The following SEMA3A variants were observed in gnomAD, a reference collection of about 807,000 sequenced individuals.
SEMA3A encodes semaphorin-3A.
In SEMA3A, 29 loss-of-function variants were observed where a neutral mutation model predicts 97.9. That is an observed-to-expected ratio of 0.30 (90% confidence interval 0.22 to 0.40). The LOEUF (loss-of-function observed/expected upper bound fraction) is 0.40, where lower values mean the gene tolerates loss of function less well. Ranked by LOEUF, SEMA3A falls within the 10% of genes least tolerant of loss-of-function variation. SEMA3A has a pLI of 1.00. For synonymous variants in SEMA3A, 321 were observed against 323.7 expected, an observed-to-expected ratio of 0.99 and a Z score of 0.09; for missense variants, 763 against 951.3, an observed-to-expected ratio of 0.80 and a Z score of 2.60.
At chr7:84,024,157 T>C (rs1333575352) in intron 6 of SEMA3A, among the ~76,000 whole-genome samples, 3 of 152,218 alleles carry the variant, frequency 2.0e-5, no homozygotes, top group Non-Finnish European at 4.4e-5. Flanking sequence ...TTTCCTTCAC[T>C]GTACTTATAT....
intron 4 of SEMA3A, among the ~76,000 whole-genome samples, chr7:84,101,382 G>A (rs1794953611): frequency 6.6e-6 from 1 of 151,982 alleles, no homozygotes; most frequent in African/African-American, 2.4e-5. Flanking sequence ...TTGGAAATAA[G>A]GACTCTTTCT....
chr7:84,242,737 C>G (rs991884996), intron 3 of SEMA3A, among the ~76,000 whole-genome samples: 20 of 152,084 alleles, frequency 1.3e-4, no homozygotes, highest in Non-Finnish European at 7.4e-5. Context: ...ATGCTTCCAG[C>G]TTTTGCCCAT....
intron 3 of SEMA3A, among the ~76,000 whole-genome samples, chr7:84,216,101 G>A (rs1044315496): frequency 2.6e-5 from 4 of 151,960 alleles, no homozygotes; most frequent in Non-Finnish European, 4.4e-5. Flanking sequence ...ACAGAGCCTC[G>A]CTCTGTAGCC....
At chr7:84,314,941 AT>A (rs1468792164) in intron 2 of SEMA3A, among the ~76,000 whole-genome samples, 1 of 152,190 alleles carries the variant, frequency 6.6e-6, no homozygotes, top group East Asian at 1.9e-4. Context: ...ATTTGTTTTA[AT>A]CTCATAATAA....
At chr7:84,476,584 A>C (rs1265292173) in intron 1 of SEMA3A, among the ~76,000 whole-genome samples, 1 of 152,036 alleles carries the variant, frequency 6.6e-6, no homozygotes, top group East Asian at 1.9e-4. Context: ...AAAGTATATA[A>C]AATTCTATCA....
chr7:84,120,207 T>C (rs1344381459), intron 3 of SEMA3A, among the ~76,000 whole-genome samples: 4 of 152,136 alleles, frequency 2.6e-5, no homozygotes, highest in African/African-American at 9.6e-5. Flanking sequence ...AATTCAAACA[T>C]AATTAATACC....
Position 83,961,646 on chromosome 7 carries a change from C to A in SEMA3A, c.2041G>T (p.Asp681Tyr), listed in dbSNP as rs2116248584. Residue 681 changes from aspartate (D) to tyrosine (Y), a missense_variant, in exon 17 of 17, where the codon GAT becomes TAT. Around this residue, in one of 2 missense-constraint regions of SEMA3A, gnomAD observed 678 missense variants for 881.3 expected, o/e 0.77. Transcript: ENST00000265362. ...EHLEELLHKD[D>Y]DGDGSKTKEM... ...TTGGTCTTAGAGCCATCTCCATCAT[C>A]ATCTTTATGAAGAAGTTCTTCCAAA... 1 of 1,613,916 alleles carries A rather than the reference C, an allele frequency of 6.2e-7. No individual in the cohort carries two copies. Among genetic ancestry groups the A allele is most frequent in the African/African-American group, 1.3e-5 (1 of 75,038 alleles).
At chr7:84,004,753 A>T (rs1790597281) in intron 11 of SEMA3A, among the ~76,000 whole-genome samples, 1 of 152,228 alleles carries the variant, frequency 6.6e-6, no homozygotes, top group Admixed American at 6.5e-5. Flanking sequence ...TTGTCAGAAA[A>T]GATAATAAAT....
At chr7:84,407,446 A>G (rs138871871) in intron 1 of SEMA3A, among the ~76,000 whole-genome samples, 26,581 of 151,632 alleles carry the variant, frequency 0.18, 2,464 homozygotes, top group Middle Eastern at 0.22. Flanking sequence ...AAGAATCAAT[A>G]TCGTGAAAAT....
intron 5 of SEMA3A, among the ~76,000 whole-genome samples, chr7:84,049,947 G>A (rs887166432): frequency 6.9e-6 from 1 of 145,224 alleles, no homozygotes; most frequent in Admixed American, 7.1e-5. Context: ...TCCCACCTAT[G>A]AGTGAGAATA....
intron 11 of SEMA3A, among the ~76,000 whole-genome samples, chr7:84,004,234 T>C (rs1790572732): frequency 6.6e-6 from 1 of 151,892 alleles, no homozygotes; most frequent in Non-Finnish European, 1.5e-5. Context: ...ACCGGGACTT[T>C]CAAAAATAAT....
At chr7:83,991,700 T>C (rs1789947510) in intron 12 of SEMA3A, among the ~76,000 whole-genome samples, 1 of 151,488 alleles carries the variant, frequency 6.6e-6, no homozygotes. Flanking sequence ...AGCTTTTTGA[T>C]GTGCTGCTGG....
intron 3 of SEMA3A, among the ~76,000 whole-genome samples, chr7:84,262,548 G>T (rs1446254683): frequency 6.6e-6 from 1 of 152,086 alleles, no homozygotes; most frequent in Non-Finnish European, 1.5e-5. Context: ...TATTTATTCA[G>T]TGAAACTTAT....
chr7:84,316,771 G>A (rs1801514244), intron 2 of SEMA3A, among the ~76,000 whole-genome samples: 1 of 151,684 alleles, frequency 6.6e-6, no homozygotes, highest in Non-Finnish European at 1.5e-5. Context: ...TTCCAAAACT[G>A]TTAGTGGTCC....
In SEMA3A at chr7:84,376,827, C is replaced by T. The variant is rs530355699; in HGVS notation, c.-245-4927G>A. On this transcript the variant is annotated intron_variant, in intron 1 of 3. Coordinates refer to the SEMA3A transcript ENST00000424555. ...GAGAAATGTCAATTCAGATTATTTG[C>T]ATATTTTTAATCAGATTTATTTTTA... is the stretch of plus-strand genomic sequence containing the variant. Among the ~76,000 whole-genome samples, 12 of 151,472 alleles carry T rather than the reference C, an allele frequency of 7.9e-5. No homozygotes were observed. In the South Asian group the frequency reaches 2.1e-3, roughly 26 times the overall value.
intron 3 of SEMA3A, among the ~76,000 whole-genome samples, chr7:84,239,230 T>G (rs1799305690): frequency 1.3e-5 from 2 of 152,352 alleles, no homozygotes; most frequent in South Asian, 4.1e-4. Context: ...TTAATAGTTT[T>G]TTAATTATCT....
At chr7:84,312,978 T>G (rs554844288) in intron 2 of SEMA3A, among the ~76,000 whole-genome samples, 1 of 137,958 alleles carries the variant, frequency 7.2e-6, no homozygotes, top group African/African-American at 2.7e-5. Context: ...GTATATAATA[T>G]ACATTATACA....
intron 5 of SEMA3A, among the ~76,000 whole-genome samples, chr7:84,049,540 G>A (rs1792504030): frequency 6.6e-6 from 1 of 151,912 alleles, no homozygotes. Flanking sequence ...ACATTCTGTG[G>A]CTTTGTGAAA....
chr7:84,037,775 A>C (rs925384964), intron 6 of SEMA3A, among the ~76,000 whole-genome samples: 1 of 152,054 alleles, frequency 6.6e-6, no homozygotes, highest in Non-Finnish European at 1.5e-5. Context: ...TAAAGTAATA[A>C]TAATAACAAA....
Sources: gnomAD v4.1 joint callset for allele counts (sites outside exome capture counted in the v4.1 genomes callset) on GRCh38, gnomAD v4.1.1 for gene constraint, gnomAD v4.1.1 regional missense constraint, MANE v1.5 for transcripts, NCBI Gene and HGNC (gene_info 2026-07-23, HGNC 2026-07-21) for gene names.